GRB14: variants seen among roughly 807,000 people sequenced by gnomAD.
The protein encoded by GRB14 is growth factor receptor bound protein 14.
In GRB14, 38 loss-of-function variants were observed where a neutral mutation model predicts 69.1. The observed-to-expected ratio is 0.55, with a 90% CI of 0.42 to 0.72. GRB14 has a LOEUF of 0.72. Among genes scored for constraint, GRB14 ranks in the 30% least tolerant of loss-of-function variants. GRB14 has a pLI of 0.00. For missense variants in GRB14, 666 were observed against 666.1 expected, an observed-to-expected ratio of 1.00 and a Z score of 0.00; for synonymous variants, 247 against 241.3, an observed-to-expected ratio of 1.02 and a Z score of -0.22.
At chr2:164,568,411 G>A (rs1689038387) in intron 2 of GRB14, 1 of 1,261,352 alleles carries the variant, frequency 7.9e-7, no homozygotes, top group African/African-American at 1.6e-5. Flanking sequence ...TGTCTCGTAG[G>A]TCATGGACAA....
At chr2:164,494,360 T>C (rs1003747967) in intron 13 of GRB14, 71 bp downstream of exon 13, 8 of 812,272 alleles carry the variant, frequency 9.8e-6, no homozygotes, top group Admixed American at 8.5e-5. Flanking sequence ...CAAAAGCTTA[T>C]GCATTAAGAT....
At chr2:164,534,614 G>A (rs1322964093) in intron 3 of GRB14, among the ~76,000 whole-genome samples, 5 of 151,984 alleles carry the variant, frequency 3.3e-5, no homozygotes, top group African/African-American at 1.2e-4. Context: ...CCTAAGAAAA[G>A]GGAAAACAAA....
chr2:164,533,206 C>T (rs1687993021), intron 3 of GRB14, among the ~76,000 whole-genome samples: 1 of 150,618 alleles, frequency 6.6e-6, no homozygotes, highest in Non-Finnish European at 1.5e-5. Flanking sequence ...CCGTTCTCTA[C>T]CTTAGTTGTT....
intron 2 of GRB14, among the ~76,000 whole-genome samples, chr2:164,565,516 ATTCTAT>A (rs1318482989): frequency 1.1e-4 from 16 of 152,276 alleles, no homozygotes; most frequent in Admixed American, 9.8e-4. Context: ...CAAGATCTAG[ATTCTAT>A]TTCTAGCTCT....
intron 2 of GRB14, among the ~76,000 whole-genome samples, chr2:164,615,286 C>T (rs913527371): frequency 6.6e-6 from 1 of 151,876 alleles, no homozygotes; most frequent in East Asian, 1.9e-4. Flanking sequence ...ATAATAAAAT[C>T]AAATATTTGA....
intron 9 of GRB14, among the ~76,000 whole-genome samples, chr2:164,499,989 G>A (rs74514467): frequency 6.6e-6 from 1 of 152,122 alleles, no homozygotes; most frequent in East Asian, 1.9e-4. Flanking sequence ...GCAGCTTATG[G>A]TAAAAGCAGT....
intron 6 of GRB14, among the ~76,000 whole-genome samples, chr2:164,521,072 G>A (rs756977492): frequency 2.6e-5 from 4 of 152,014 alleles, no homozygotes; most frequent in African/African-American, 4.8e-5. Flanking sequence ...TTATAGCAGC[G>A]CAATTCACAA....
chr2:164,518,805 T>C (rs1687558371), intron 6 of GRB14, among the ~76,000 whole-genome samples: 1 of 151,606 alleles, frequency 6.6e-6, no homozygotes, highest in Non-Finnish European at 1.5e-5. Context: ...ATAACCCTCC[T>C]AGATTAAGCC....
chr2:164,608,598 GA>G (rs1383623852), intron 2 of GRB14, among the ~76,000 whole-genome samples: 17 of 149,558 alleles, frequency 1.1e-4, no homozygotes, highest in African/African-American at 2.9e-4. Context: ...AAAGAAAAAA[GA>G]AAAAAAGTTA....
chr2:164,583,456 T>C (rs1428074907), intron 2 of GRB14, among the ~76,000 whole-genome samples: 1 of 152,200 alleles, frequency 6.6e-6, no homozygotes, highest in African/African-American at 2.4e-5. Flanking sequence ...TCCTGTGACG[T>C]AGAAGATCTA....
At chr2:164,594,471 A>G (rs1212348562) in intron 2 of GRB14, among the ~76,000 whole-genome samples, 1 of 152,224 alleles carries the variant, frequency 6.6e-6, no homozygotes, top group East Asian at 1.9e-4. Flanking sequence ...ATGACTGTCA[A>G]AGCCATGCGT....
At chr2:164,619,982 C>T in intron 1 of GRB14, 163 bp from the exon 2 acceptor site, 1 of 495,944 alleles carries the variant, frequency 2.0e-6, no homozygotes, top group Non-Finnish European at 3.6e-6. Flanking sequence ...TTCTATGGGT[C>T]AAAATACAGT....
chr2:164,573,735 A>G, intron 2 of GRB14: 1 of 1,607,508 alleles, frequency 6.2e-7, no homozygotes, highest in Non-Finnish European at 8.5e-7. Flanking sequence ...TTTCTTCTCA[A>G]TATTCATGCC....
In GRB14 at chr2:164,493,258, T is replaced by C. The variant is rs551809163; in HGVS notation, c.1477-76A>G. The C allele has an allele frequency of 5.6e-5, 76 of 1,363,078 alleles. 1 individual carries two copies. The African/African-American group carries it at 9.9e-4, about 18-fold the overall frequency. 84.4% of individuals were successfully genotyped at this position (1,363,078 alleles called of 1,614,324 possible). On this transcript the variant is annotated intron_variant, in intron 13 of 13. Transcript: ENST00000263915. ...GACAATCATATTCGATTGCAAACTA[T>C]CTCCACATGCCAAAACTGCCAAGTT...
intron 4 of GRB14, among the ~76,000 whole-genome samples, chr2:164,525,905 G>C (rs1348289502): frequency 2.6e-5 from 4 of 152,020 alleles, no homozygotes; most frequent in African/African-American, 9.7e-5. Context: ...AACCAAAAAT[G>C]TGTCCAGACA....
intron 2 of GRB14, among the ~76,000 whole-genome samples, chr2:164,582,601 A>G (rs1417251948): frequency 6.6e-6 from 1 of 151,854 alleles, no homozygotes; most frequent in Non-Finnish European, 1.5e-5. Context: ...TCGTATTTTT[A>G]GTAGAGACGG....
intron 5 of GRB14, among the ~76,000 whole-genome samples, chr2:164,523,822 A>G (rs1332126265): frequency 1.3e-5 from 2 of 152,118 alleles, no homozygotes; most frequent in East Asian, 3.8e-4. Context: ...TCTTGTTTTT[A>G]TAATTTAACA....
At chr2:164,544,975 C>T (rs1688335214) in intron 3 of GRB14, among the ~76,000 whole-genome samples, 1 of 152,190 alleles carries the variant, frequency 6.6e-6, no homozygotes, top group Non-Finnish European at 1.5e-5. Context: ...ATTTTTAATT[C>T]CATTTCATAA....
intron 2 of GRB14, among the ~76,000 whole-genome samples, chr2:164,586,775 C>T (rs1689549356): frequency 6.6e-6 from 1 of 152,154 alleles, no homozygotes; most frequent in Non-Finnish European, 1.5e-5. Context: ...AGAAGCAAGA[C>T]ATCTGAAGGA....
Sources: allele counts gnomAD v4.1 joint callset (sites outside exome capture counted in the v4.1 genomes callset), GRCh38; gene constraint gnomAD v4.1.1; transcripts MANE v1.5; gene names NCBI Gene and HGNC (gene_info 2026-07-23, HGNC 2026-07-21).